MKLN1: variants seen among roughly 807,000 people sequenced by gnomAD.
The protein encoded by MKLN1 is muskelin.
Under a neutral mutation model 99.0 loss-of-function variants are expected in MKLN1, and 18 were observed. That is an observed-to-expected ratio of 0.18 (90% CI 0.13 to 0.27). The LOEUF is 0.27. MKLN1 is among the 10% of genes least tolerant of loss of function. MKLN1 has a pLI of 1.00. For synonymous variants in MKLN1, 288 were observed against 293.2 expected (o/e 0.98, Z 0.18); for missense variants, 621 against 875.9 (o/e 0.71, Z 3.67).
chr7:131,476,319 TA>T (rs1187194753), intron 16 of MKLN1, among the ~76,000 whole-genome samples: 2 of 151,962 alleles, frequency 1.3e-5, no homozygotes, highest in Non-Finnish European at 1.5e-5. Context: ...GAAAAAGCAA[TA>T]AAAAACATAT....
chr7:131,415,635 T>A (rs574260313), intron 8 of MKLN1, among the ~76,000 whole-genome samples: 42 of 152,332 alleles, frequency 2.8e-4, no homozygotes, highest in Middle Eastern at 3.4e-3. Context: ...GTATAGGAAT[T>A]CACTTTCTTA....
intron 1 of MKLN1, among the ~76,000 whole-genome samples, chr7:131,368,791 C>G (rs1372242724): frequency 6.6e-6 from 1 of 152,080 alleles, no homozygotes. Context: ...AGTTTGCTGT[C>G]ATGTCAACTA....
intron 17 of MKLN1, among the ~76,000 whole-genome samples, chr7:131,480,170 T>G (rs1241885046): frequency 6.6e-6 from 1 of 152,192 alleles, no homozygotes; most frequent in Non-Finnish European, 1.5e-5. Flanking sequence ...TCTTGAAGTA[T>G]GGAAATTCCC....
intron 3 of MKLN1, among the ~76,000 whole-genome samples, chr7:131,208,356 G>A (rs1054097954): frequency 4.6e-5 from 7 of 152,176 alleles, no homozygotes; most frequent in African/African-American, 1.4e-4. Context: ...TATTTTGGGA[G>A]GCTGAGGCTA....
At chr7:131,229,059 C>T (rs1343516483) in intron 3 of MKLN1, among the ~76,000 whole-genome samples, 1 of 152,080 alleles carries the variant, frequency 6.6e-6, no homozygotes, top group Admixed American at 6.6e-5. Flanking sequence ...TAAATCAATA[C>T]ATAGAAGGTG....
intron 2 of MKLN1, among the ~76,000 whole-genome samples, chr7:131,174,442 C>A (rs374902028): frequency 3.3e-5 from 5 of 152,144 alleles, no homozygotes; most frequent in African/African-American, 1.2e-4. Flanking sequence ...TAAAAGCCTT[C>A]GAAAGTTCCT....
In MKLN1 at chr7:131,252,130, T is replaced by C. The variant is rs569393309; in HGVS notation, c.-179+49156T>C. On this transcript the variant is annotated intron_variant, in intron 3 of 7. Coordinates refer to the MKLN1 transcript ENST00000416992. Reference sequence around the variant, plus strand: ...TTCACAAATTATATATAGGCCAAGTTTCAGTCTGGAGTTCACAAACTCAAA... The same window carrying C: ...TTCACAAATTATATATAGGCCAAGTCTCAGTCTGGAGTTCACAAACTCAAA... Among the ~76,000 whole-genome samples the C allele has an allele frequency of 1.4e-4, 21 of 152,172 alleles. 1 individual carries two copies. Among genetic ancestry groups the C allele is most frequent in the African/African-American group, 5.1e-4 (21 of 41,524 alleles).
intron 9 of MKLN1, among the ~76,000 whole-genome samples, chr7:131,437,132 TGATA>T (rs1005094286): frequency 1.3e-5 from 2 of 152,088 alleles, no homozygotes; most frequent in East Asian, 1.9e-4. Context: ...TGTGAAGGTT[TGATA>T]GATAGGTATA....
At chr7:131,123,187 G>A (rs1795403043) in intron 1 of MKLN1, among the ~76,000 whole-genome samples, 1 of 152,184 alleles carries the variant, frequency 6.6e-6, no homozygotes, top group Admixed American at 6.5e-5. Flanking sequence ...AGTAATAGAT[G>A]TAGTTGAAAC....
chr7:131,188,503 A>G lies in MKLN1; in HGVS notation c.-296-14354A>G, dbSNP rs550210767. ...GAGTGGCTCATCTTGACTCCACAGGATGTCTCATCCTCCAGCCGGCTAGCC... is the reference window on the plus strand; with the variant it reads ...GAGTGGCTCATCTTGACTCCACAGGGTGTCTCATCCTCCAGCCGGCTAGCC... On this transcript the variant is annotated intron_variant, in intron 2 of 7. Coordinates refer to the MKLN1 transcript ENST00000416992. Among the ~76,000 whole-genome samples, 6 of 152,268 alleles carry G rather than the reference A, an allele frequency of 3.9e-5. No individual in the cohort carries two copies. In the South Asian group the frequency reaches 1.0e-3, roughly 26 times the overall value.
At chr7:131,446,041 A>G (rs1013961698) in intron 12 of MKLN1, 138 bp downstream of exon 12, 3 of 496,082 alleles carry the variant, frequency 6.0e-6, no homozygotes, top group African/African-American at 5.9e-5. Context: ...AAGAGAAAGA[A>G]AATTCTACCA....
chr7:131,205,908 T>G (rs1796802936), intron 3 of MKLN1, among the ~76,000 whole-genome samples: 1 of 151,826 alleles, frequency 6.6e-6, no homozygotes, highest in Non-Finnish European at 1.5e-5. Flanking sequence ...TTTTTTTTTT[T>G]TCTGAAACAG....
intron 1 of MKLN1, among the ~76,000 whole-genome samples, chr7:131,334,210 G>A (rs2116704028): frequency 6.6e-6 from 1 of 152,286 alleles, no homozygotes; most frequent in African/African-American, 2.4e-5. Flanking sequence ...CAATAATTCT[G>A]TAGGCTCCTG....
chr7:131,243,087 C>T (rs1797430954), intron 3 of MKLN1: 6 of 461,066 alleles, frequency 1.3e-5, no homozygotes, highest in Admixed American at 2.7e-5. Context: ...GCCATGGTAC[C>T]GTCCTAGTGA....
chr7:131,452,801 G>A (rs570293652), intron 12 of MKLN1, among the ~76,000 whole-genome samples: 77 of 151,948 alleles, frequency 5.1e-4, no homozygotes, highest in African/African-American at 1.7e-3. Context: ...CGCCCGCCTC[G>A]GCCTCCCAAA....
intron 3 of MKLN1, among the ~76,000 whole-genome samples, chr7:131,277,253 AT>A (rs1370040947): frequency 1.3e-5 from 2 of 152,044 alleles, no homozygotes; most frequent in Admixed American, 1.3e-4. Context: ...GATGATCTGT[AT>A]TGTAAACTAT....
At chr7:131,351,074 A>G (rs1158582547) in intron 1 of MKLN1, among the ~76,000 whole-genome samples, 1 of 152,094 alleles carries the variant, frequency 6.6e-6, no homozygotes, top group East Asian at 1.9e-4. Flanking sequence ...CCCTTTTACA[A>G]TTCTTTTTAT....
intron 3 of MKLN1, among the ~76,000 whole-genome samples, chr7:131,275,885 C>CGGG (rs1797964647): frequency 1.3e-5 from 2 of 152,150 alleles, no homozygotes; most frequent in South Asian, 4.1e-4. Context: ...TTACTCACCC[C>CGGG]GTCACAAGTA....
At chr7:131,287,283 G>A (rs1173717819) in intron 3 of MKLN1, among the ~76,000 whole-genome samples, 1 of 152,208 alleles carries the variant, frequency 6.6e-6, no homozygotes, top group East Asian at 1.9e-4. Flanking sequence ...CTACAAACTG[G>A]ATAGGTTAAA....
Sources: allele counts gnomAD v4.1 joint callset (sites outside exome capture counted in the v4.1 genomes callset), GRCh38; gene constraint gnomAD v4.1.1; transcripts MANE v1.5; gene names NCBI Gene and HGNC (gene_info 2026-07-23, HGNC 2026-07-21).